PDZRN4: variants seen among roughly 807,000 people sequenced by gnomAD.
The protein encoded by PDZRN4 is PDZ domain-containing RING finger protein 4.
Under a neutral mutation model 99.0 loss-of-function variants are expected in PDZRN4, and 70 were observed. That is an observed-to-expected ratio of 0.71 (90% CI 0.58 to 0.86). The LOEUF is 0.86. PDZRN4 is among the 40% of genes least tolerant of loss of function. The probability of loss-of-function intolerance (pLI) is 0.00; values close to 1 mark genes in which losing one functional copy is unlikely to be tolerated. For synonymous variants in PDZRN4, 551 were observed against 501.6 expected (o/e 1.10, Z -1.32); for missense variants, 1,474 against 1,331.2 (o/e 1.11, Z -1.67).
chr12:41,189,354 C>T (rs1429785548), intron 1 of PDZRN4, among the ~76,000 whole-genome samples: 1 of 152,098 alleles, frequency 6.6e-6, no homozygotes, highest in African/African-American at 2.4e-5. Context: ...AACTTTCCCC[C>T]GGGAAAGTAG....
In PDZRN4 at chr12:41,339,650, G is replaced by A. The variant is rs74348276; in HGVS notation, c.843+145462G>A. 8.3e-3 allele frequency among the ~76,000 whole-genome samples: 1,259 copies of A among 152,094 alleles called. 23 individuals are homozygous for A. Among genetic ancestry groups the A allele is most frequent in the African/African-American group, 0.029 (1,198 of 41,526 alleles). Reference sequence around the variant, plus strand: ...CAACAAAGTGAACAGACAACCCATAGAATGGGGGTCATGAACTCTCCATCT... The same window carrying A: ...CAACAAAGTGAACAGACAACCCATAAAATGGGGGTCATGAACTCTCCATCT... On this transcript the variant is annotated intron_variant, in intron 3 of 9. Transcript: ENST00000402685.
At chr12:41,497,135 A>G (rs1938021066) in intron 3 of PDZRN4, among the ~76,000 whole-genome samples, 1 of 152,112 alleles carries the variant, frequency 6.6e-6, no homozygotes. Context: ...TTGTGCTCTC[A>G]TCACAAAGAT....
intron 3 of PDZRN4, among the ~76,000 whole-genome samples, chr12:41,402,124 TATATATATATATATATAC>T (rs1565572934): frequency 1.0e-4 from 4 of 39,694 alleles, no homozygotes; most frequent in African/African-American, 6.1e-4. Flanking sequence ...AGTATATATA[TATATATATATATATATAC>T]ACACACTGAG....
intron 3 of PDZRN4, among the ~76,000 whole-genome samples, chr12:41,461,204 T>C (rs1382649837): frequency 9.6e-6 from 1 of 104,266 alleles, no homozygotes; most frequent in Non-Finnish European, 1.9e-5. Context: ...AGTATTACTT[T>C]CCTTTTTTTT....
chr12:41,214,452 T>TAAAAAAAAAAAAAAAAAAAAAAA (rs1555216889), intron 3 of PDZRN4, among the ~76,000 whole-genome samples: 1 of 53,084 alleles, frequency 1.9e-5, no homozygotes, highest in South Asian at 7.4e-4. Flanking sequence ...AAAAAAAAAG[T>TAAAAAAAAAAAAAAAAAAAAAAA]TATCTATTTG....
chr12:41,418,655 C>G (rs1952464525), intron 3 of PDZRN4, among the ~76,000 whole-genome samples: 1 of 151,968 alleles, frequency 6.6e-6, no homozygotes, highest in African/African-American at 2.4e-5. Context: ...ACTTTTCTAC[C>G]CTGAAATTTC....
intron 3 of PDZRN4, among the ~76,000 whole-genome samples, chr12:41,489,533 T>A (rs897647691): frequency 1.3e-5 from 2 of 152,154 alleles, no homozygotes; most frequent in Non-Finnish European, 2.9e-5. Flanking sequence ...ACCTCTATGT[T>A]TGGAATCTCA....
intron 3 of PDZRN4, among the ~76,000 whole-genome samples, chr12:41,205,815 C>T (rs893992313): frequency 6.6e-6 from 1 of 151,850 alleles, no homozygotes; most frequent in Admixed American, 6.6e-5. Context: ...AAGTTATGCT[C>T]GAGACCAGCA....
chr12:41,455,457 C>G (rs958713031), intron 3 of PDZRN4, among the ~76,000 whole-genome samples: 86 of 152,238 alleles, frequency 5.6e-4, no homozygotes, highest in African/African-American at 2.0e-3. Context: ...AATTCAAATA[C>G]AAAGAGTTGC....
rs1950712458 is a variant in PDZRN4, at chr12:41,188,810, G to T, written c.355G>T (p.Ala119Ser). The T allele has an allele frequency of 2.2e-6, 3 of 1,343,944 alleles. No individual in the cohort carries two copies. Among genetic ancestry groups the T allele is most frequent in the African/African-American group, 1.5e-5 (1 of 64,798 alleles). The allele number at this position is 1,343,944 out of a possible 1,614,324, so 83.3% of individuals were successfully genotyped here. A position where few individuals can be genotyped will look rare whatever the true frequency, so the allele number is the denominator to read the frequency against. Residue 119 changes from alanine (A) to serine (S), a missense_variant, in exon 1 of 10, where the codon GCT becomes TCT. Ala to Ser is a moderately conservative substitution (Grantham distance 99). Coordinates refer to ENST00000402685, the MANE Select transcript of PDZRN4 (RefSeq NM_001164595.2). ...ARRLRSRGGC[A>S]SGLGGGEVPA... is the part of the protein sequence containing the mutation. ...CCGGCTCCGCAGCCGCGGGGGCTGC[G>T]CTTCGGGGCTGGGCGGTGGTGAGGT...
intron 3 of PDZRN4, among the ~76,000 whole-genome samples, chr12:41,376,611 T>A (rs1952082903): frequency 6.6e-6 from 1 of 152,220 alleles, no homozygotes; most frequent in Non-Finnish European, 1.5e-5. Flanking sequence ...TACGAGTTTC[T>A]AATATAGTTT....
At chr12:41,351,917 G>A (rs1172119251) in intron 3 of PDZRN4, among the ~76,000 whole-genome samples, 1 of 151,732 alleles carries the variant, frequency 6.6e-6, no homozygotes, top group Non-Finnish European at 1.5e-5. Context: ...GGCTGAGGTG[G>A]GAGGATTACT....
At chr12:41,215,311 A>G (rs1455164184) in intron 3 of PDZRN4, among the ~76,000 whole-genome samples, 1 of 152,058 alleles carries the variant, frequency 6.6e-6, no homozygotes, top group Non-Finnish European at 1.5e-5. Flanking sequence ...AAACTATAGT[A>G]TAGAAATTAT....
At chr12:41,193,470 A>T (rs1464012679) in intron 2 of PDZRN4, among the ~76,000 whole-genome samples, 4 of 152,200 alleles carry the variant, frequency 2.6e-5, no homozygotes, top group Non-Finnish European at 4.4e-5. Context: ...TTAACTAATC[A>T]TGAGTCAGAC....
intron 3 of PDZRN4, among the ~76,000 whole-genome samples, chr12:41,236,495 A>G (rs569647734): frequency 6.6e-6 from 1 of 152,156 alleles, no homozygotes; most frequent in South Asian, 2.1e-4. Flanking sequence ...GATTTTATAG[A>G]AGGAGAAGAA....
In PDZRN4 at chr12:41,572,999, C is replaced by G. The variant is rs1939510516; in HGVS notation, c.2220C>G (p.Asn740Lys). Reference sequence around the variant, plus strand: ...ACAAGGACAGTTCTAGTGCTTACAACACAGCTGAGAGCTGCAGAAGTACTC... The same window carrying G: ...ACAAGGACAGTTCTAGTGCTTACAAGACAGCTGAGAGCTGCAGAAGTACTC... ...KSDKDSSSAY[N>K]TAESCRSTPL... The change falls in exon 10 of 10, where the codon AAC becomes AAG. Residue 740 changes from asparagine (N) to lysine (K), a missense_variant. By Grantham distance (94) the Asn-to-Lys change is moderately conservative. Transcript: ENST00000402685. 6.2e-7 allele frequency: 1 copy of G among 1,614,134 alleles called. No individual in the cohort carries two copies. The highest frequency in any genetic ancestry group is 8.5e-7 in the Non-Finnish European group (1 of 1,180,010).
At chr12:41,224,146 G>A (rs1158425016) in intron 3 of PDZRN4, among the ~76,000 whole-genome samples, 1 of 152,218 alleles carries the variant, frequency 6.6e-6, no homozygotes, top group Non-Finnish European at 1.5e-5. Flanking sequence ...ATTTTGTCCT[G>A]GAGCTGGGCT....
chr12:41,331,006 G>A (rs1189302629), intron 3 of PDZRN4, among the ~76,000 whole-genome samples: 2 of 152,096 alleles, frequency 1.3e-5, no homozygotes, highest in East Asian at 3.9e-4. Flanking sequence ...AAAAAGCTGA[G>A]AGAATTACTG....
At chr12:41,302,209 CAAA>C (rs1205484493) in intron 3 of PDZRN4, among the ~76,000 whole-genome samples, 1 of 152,014 alleles carries the variant, frequency 6.6e-6, no homozygotes, top group East Asian at 1.9e-4. Context: ...AGACTGACCT[CAAA>C]TATAACATTT....
Sources: allele counts gnomAD v4.1 joint callset (sites outside exome capture counted in the v4.1 genomes callset), GRCh38; gene constraint gnomAD v4.1.1; transcripts MANE v1.5; gene names NCBI Gene and HGNC (gene_info 2026-07-23, HGNC 2026-07-21).